PDCD6IP: variants seen among roughly 807,000 people sequenced by gnomAD.
PDCD6IP encodes programmed cell death 6 interacting protein.
PDCD6IP carries 43 observed loss-of-function variants against 103.7 expected under a neutral mutation model. The ratio of observed to expected loss-of-function variants is 0.41; its 90% confidence interval spans 0.32 to 0.53. PDCD6IP has a LOEUF of 0.53. Among genes scored for constraint, PDCD6IP ranks in the 20% least tolerant of loss-of-function variants. The pLI is 0.16. For missense variants in PDCD6IP, 871 were observed against 1,036.7 expected, an observed-to-expected ratio of 0.84 and a Z score of 2.20; for synonymous variants, 354 against 378.7, an observed-to-expected ratio of 0.93 and a Z score of 0.76.
At chr3:33,860,438 T>C (rs1246488286) in intron 15 of PDCD6IP, among the ~76,000 whole-genome samples, 4 of 152,190 alleles carry the variant, frequency 2.6e-5, no homozygotes, top group Admixed American at 2.6e-4. Flanking sequence ...GTGTATCTTG[T>C]TGAATGTTCA....
rs1230064727 is a variant in PDCD6IP, at chr3:33,865,360, C to A, written c.2362C>A (p.Gln788Lys). 6.2e-7 allele frequency: 1 copy of A among 1,601,538 alleles called. No individual in the cohort carries two copies. The highest frequency in any genetic ancestry group is 2.3e-5 in the East Asian group (1 of 43,480). Reference protein sequence around the residue: ...GAGTAAPAPSQTPGSAPPPQA... With the variant: ...GAGTAAPAPSKTPGSAPPPQA... ...TGGGACTGCTGCGCCAGCTCCATCA[C>A]AAACGCCTGGCTCAGCTCCTCCTCC... The change falls in exon 17 of 18, where the codon CAA becomes AAA. Residue 788 changes from glutamine to lysine, a missense_variant. By Grantham distance (53) the Gln-to-Lys change is moderately conservative. This residue lies in a region of PDCD6IP where 202 missense variants were observed against 205.2 expected (regional missense o/e 0.98). Transcript: ENST00000307296.
intron 5 of PDCD6IP, among the ~76,000 whole-genome samples, chr3:33,825,659 G>A (rs1281131256): frequency 6.6e-6 from 1 of 152,214 alleles, no homozygotes; most frequent in African/African-American, 2.4e-5. Context: ...CTCTGTGCCA[G>A]TCACTGTTCT....
chr3:33,834,650 T>C (rs757526067), intron 7 of PDCD6IP, among the ~76,000 whole-genome samples: 14 of 152,232 alleles, frequency 9.2e-5, no homozygotes, highest in Non-Finnish European at 1.3e-4. Flanking sequence ...TCAACATCTA[T>C]GGAGAAATTT....
Position 33,821,944 on chromosome 3 carries a change from A to T in PDCD6IP, c.335-11A>T. The T allele has an allele frequency of 1.3e-6, 2 of 1,599,576 alleles. No homozygotes were observed. The highest frequency in any genetic ancestry group is 1.7e-6 in the Non-Finnish European group (2 of 1,175,176). On this transcript the variant is annotated splice_polypyrimidine_tract_variant and intron_variant, in intron 3 of 17. Coordinates refer to ENST00000307296, the MANE Select transcript of PDCD6IP (RefSeq NM_013374.6). ...TAATCTGATGAATTTTTCCTTCTCA[A>T]TTTTTTACAGCTCTTGCAAGCTTAG... is the stretch of plus-strand genomic sequence containing the variant.
chr3:33,833,632 T>C (rs1440798993), intron 7 of PDCD6IP, among the ~76,000 whole-genome samples: 2 of 152,208 alleles, frequency 1.3e-5, no homozygotes, highest in Non-Finnish European at 2.9e-5. Flanking sequence ...TTTGGTACTG[T>C]CATTGTGTTC....
At position 33,805,144 on chromosome 3, in the gene PDCD6IP, C is replaced by T. The variant is rs191679459; in HGVS notation, c.209+6207C>T. Among the ~76,000 whole-genome samples the T allele has an allele frequency of 2.5e-4, 38 of 152,148 alleles. 1 individual carries two copies. In the Middle Eastern group the frequency reaches 0.014, roughly 54 times the overall value. ...GGCTGAGGCGGGTGGATCACGAGGT[C>T]AGGAGTTCGAGATTAGCCTGGCCAA... is the stretch of plus-strand genomic sequence containing the variant. On this transcript the variant is annotated intron_variant, in intron 1 of 17. Transcript: ENST00000307296.
intron 3 of PDCD6IP, among the ~76,000 whole-genome samples, chr3:33,815,462 A>G (rs897424112): frequency 6.6e-6 from 1 of 152,160 alleles, no homozygotes; most frequent in African/African-American, 2.4e-5. Flanking sequence ...CTGGTTTAGA[A>G]AGATTACGTG....
chr3:33,824,620 A>T (rs1195303379), intron 4 of PDCD6IP, among the ~76,000 whole-genome samples: 5 of 152,182 alleles, frequency 3.3e-5, no homozygotes, highest in Admixed American at 6.5e-5. Context: ...AATTTGTTTC[A>T]TGAAAGCAAA....
At chr3:33,850,905 C>T (rs1231085428) in intron 12 of PDCD6IP, among the ~76,000 whole-genome samples, 1 of 152,030 alleles carries the variant, frequency 6.6e-6, no homozygotes. Context: ...TTTCTCCTTC[C>T]CTTCCCCCTT....
At chr3:33,847,482 A>G (rs1486703129) in intron 12 of PDCD6IP, among the ~76,000 whole-genome samples, 2 of 151,572 alleles carry the variant, frequency 1.3e-5, no homozygotes, top group Admixed American at 1.3e-4. Context: ...TAAGGCAAGC[A>G]TCAGGTTTAT....
At chr3:33,854,134 T>C in intron 14 of PDCD6IP, 121 bp downstream of exon 14, 1 of 1,098,462 alleles carries the variant, frequency 9.1e-7, no homozygotes, top group Non-Finnish European at 1.3e-6. Context: ...TTAGCTTTAA[T>C]GCCATTGCTG....
intron 12 of PDCD6IP, among the ~76,000 whole-genome samples, chr3:33,851,727 TGG>T (rs1332377503): frequency 2.0e-5 from 3 of 152,126 alleles, no homozygotes; most frequent in Non-Finnish European, 4.4e-5. Context: ...CCTGAAGTGC[TGG>T]GATTGCAGGC....
In PDCD6IP at chr3:33,825,171, T is replaced by G; in HGVS notation, c.463-16T>G. 1 of 1,599,550 alleles carries G rather than the reference T, an allele frequency of 6.3e-7. No homozygotes were observed. Among genetic ancestry groups the G allele is most frequent in the Non-Finnish European group, 8.5e-7 (1 of 1,175,666 alleles). On this transcript the variant is annotated splice_polypyrimidine_tract_variant and intron_variant, in intron 4 of 17. Transcript: ENST00000307296. ...TTGCTGAGTTCCTATAAAGAAATTCTTTTTCCCCCCTTTAGTTTGCTAGTG... is the reference window on the plus strand; with the variant it reads ...TTGCTGAGTTCCTATAAAGAAATTCGTTTTCCCCCCTTTAGTTTGCTAGTG...
intron 3 of PDCD6IP, among the ~76,000 whole-genome samples, chr3:33,821,144 C>A (rs1262979182): frequency 6.6e-6 from 1 of 151,600 alleles, no homozygotes; most frequent in East Asian, 1.9e-4. Context: ...GGACTATAGA[C>A]ATGCACCACC....
At chr3:33,820,848 T>C (rs1317753701) in intron 3 of PDCD6IP, among the ~76,000 whole-genome samples, 1 of 152,242 alleles carries the variant, frequency 6.6e-6, no homozygotes, top group Non-Finnish European at 1.5e-5. Flanking sequence ...TGAATAATGC[T>C]GCTATGAACA....
At chr3:33,801,033 T>C (rs1696465080) in intron 1 of PDCD6IP, among the ~76,000 whole-genome samples, 1 of 152,228 alleles carries the variant, frequency 6.6e-6, no homozygotes, top group Non-Finnish European at 1.5e-5. Flanking sequence ...CATGTTTCTT[T>C]AGTCACCTCT....
chr3:33,835,544 C>T (rs570724524), intron 7 of PDCD6IP, among the ~76,000 whole-genome samples: 3 of 152,078 alleles, frequency 2.0e-5, no homozygotes, highest in Non-Finnish European at 2.9e-5. Context: ...TGATGAAACC[C>T]GATGTCTACC....
intron 1 of PDCD6IP, among the ~76,000 whole-genome samples, chr3:33,805,229 G>A (rs998782057): frequency 4.6e-5 from 7 of 151,728 alleles, no homozygotes; most frequent in African/African-American, 1.7e-4. Flanking sequence ...GGTGGCGGGT[G>A]CCTGTAATCG....
chr3:33,841,150 C>T (rs773820571), intron 9 of PDCD6IP, among the ~76,000 whole-genome samples: 19 of 151,620 alleles, frequency 1.3e-4, no homozygotes, highest in Non-Finnish European at 2.4e-4. Context: ...GCCTCAGCCT[C>T]CCAAGTAGCT....
Sources: gnomAD v4.1 joint callset for allele counts (sites outside exome capture counted in the v4.1 genomes callset) on GRCh38, gnomAD v4.1.1 for gene constraint, gnomAD v4.1.1 regional missense constraint, MANE v1.5 for transcripts, NCBI Gene and HGNC (gene_info 2026-07-23, HGNC 2026-07-21) for gene names.